BACH2: variants seen among roughly 807,000 people sequenced by gnomAD.
BACH2 encodes the protein BACH transcriptional regulator 2.
BACH2 carries 5 observed loss-of-function variants against 61.8 expected under a neutral mutation model. The observed-to-expected ratio is 0.08, with a 90% CI of 0.04 to 0.17. The LOEUF is 0.17. Among genes scored for constraint, BACH2 ranks in the 10% least tolerant of loss-of-function variants. The pLI, the probability that BACH2 is intolerant of heterozygous loss-of-function variation, is 1.00. For missense variants in BACH2, 824 were observed against 1,091.1 expected, an observed-to-expected ratio of 0.76 and a Z score of 3.45; for synonymous variants, 446 against 440.1, an observed-to-expected ratio of 1.01 and a Z score of -0.17.
At chr6:90,022,441 G>A (rs1778427049) in intron 5 of BACH2, among the ~76,000 whole-genome samples, 1 of 152,106 alleles carries the variant, frequency 6.6e-6, no homozygotes, top group South Asian at 2.1e-4. Flanking sequence ...AAAATTAGCT[G>A]GGTATATTAG....
intron 5 of BACH2, among the ~76,000 whole-genome samples, chr6:90,055,661 C>T (rs915481519): frequency 7.1e-6 from 1 of 141,536 alleles, no homozygotes. Flanking sequence ...AACTCCAAGA[C>T]ACGTAATTGT....
In BACH2 at chr6:89,931,808, A is replaced by C. The variant is rs1318129298; in HGVS notation, c.*600T>G. 6.6e-6 allele frequency: 1 copy of C among 152,560 alleles called. No homozygotes were observed. The highest frequency in any genetic ancestry group is 2.4e-5 in the African/African-American group (1 of 41,406). 9.5% of individuals were successfully genotyped at this position (152,560 alleles called of 1,614,324 possible). ...TGAAGCAAGAAAAATGACCATGTTA[A>C]CAGTTACCAAACTAGTTCTAGCATC... On this transcript the variant is annotated 3_prime_UTR_variant, in exon 9 of 9. Transcript: ENST00000257749.
intron 7 of BACH2, among the ~76,000 whole-genome samples, chr6:89,944,554 A>G (rs1243200422): frequency 6.6e-6 from 1 of 152,226 alleles, no homozygotes; most frequent in Non-Finnish European, 1.5e-5. Flanking sequence ...CACAAAAATG[A>G]TTGTGAAAAT....
At position 89,932,679 on chromosome 6, in the gene BACH2, T is replaced by C; in HGVS notation, c.2255A>G (p.Glu752Gly). Residue 752 changes from glutamate (E) to glycine (G), a missense_variant, in exon 9 of 9, where the codon GAG becomes GGG. Coordinates refer to ENST00000257749, the MANE Select transcript of BACH2 (RefSeq NM_021813.4). ...GCATTGGGAGGCCGCAATGTTCTGC[T>C]CAGCACCCAAGGGCGCAGGGTTAAT... ...SSINPAPLGA[E>G]QNIAASQCAV... 6.2e-7 allele frequency: 1 copy of C among 1,614,096 alleles called. No individual in the cohort carries two copies. The highest frequency in any genetic ancestry group is 1.7e-5 in the Admixed American group (1 of 60,018).
chr6:90,142,747 T>A (rs964205541), intron 4 of BACH2, among the ~76,000 whole-genome samples: 1 of 152,192 alleles, frequency 6.6e-6, no homozygotes, highest in Non-Finnish European at 1.5e-5. Context: ...TACTGCTGGG[T>A]AGGAAGATCA....
intron 2 of BACH2, among the ~76,000 whole-genome samples, chr6:90,269,945 T>G (rs769020791): frequency 1.3e-5 from 2 of 152,226 alleles, no homozygotes; most frequent in Non-Finnish European, 2.9e-5. Context: ...ACTCTGAGTC[T>G]CCAGAGTCCA....
At chr6:90,148,150 T>C (rs1784686544) in intron 4 of BACH2, among the ~76,000 whole-genome samples, 1 of 152,178 alleles carries the variant, frequency 6.6e-6, no homozygotes, top group African/African-American at 2.4e-5. Flanking sequence ...TAGTGAAGCA[T>C]CGTGCACTAG....
At chr6:90,118,848 AC>A (rs1446897620) in intron 4 of BACH2, among the ~76,000 whole-genome samples, 1 of 152,140 alleles carries the variant, frequency 6.6e-6, no homozygotes, top group Non-Finnish European at 1.5e-5. Context: ...GTCTAACCAG[AC>A]CTGGGTTTGG....
At chr6:90,012,002 C>T (rs1356210376) in intron 5 of BACH2, among the ~76,000 whole-genome samples, 3 of 148,604 alleles carry the variant, frequency 2.0e-5, no homozygotes, top group Non-Finnish European at 3.0e-5. Context: ...CGCCATATTG[C>T]CCAGGCTAGT....
intron 5 of BACH2, among the ~76,000 whole-genome samples, chr6:90,064,181 G>C (rs1198003649): frequency 6.6e-6 from 1 of 152,162 alleles, no homozygotes; most frequent in Non-Finnish European, 1.5e-5. Flanking sequence ...AACAGAATGT[G>C]ATATGTGCCA....
intron 4 of BACH2, among the ~76,000 whole-genome samples, chr6:90,092,315 T>TATACAC (rs142761642): frequency 4.4e-5 from 5 of 112,456 alleles, no homozygotes; most frequent in African/African-American, 1.8e-4. Flanking sequence ...TATATATATA[T>TATACAC]ACACACACAC....
At chr6:90,175,081 T>C (rs544873154) in intron 4 of BACH2, among the ~76,000 whole-genome samples, 88 of 152,228 alleles carry the variant, frequency 5.8e-4, no homozygotes, top group African/African-American at 2.1e-3. Context: ...TTTAATCCTT[T>C]AAAGTGTATC....
intron 4 of BACH2, among the ~76,000 whole-genome samples, chr6:90,100,738 C>CACACAG (rs1782591691): frequency 6.6e-6 from 1 of 151,562 alleles, no homozygotes; most frequent in Non-Finnish European, 1.5e-5. Flanking sequence ...GACACACACA[C>CACACAG]ACACACACAC....
chr6:89,938,400 T>C, intron 7 of BACH2, 50 bp from the exon 8 acceptor site: 1 of 1,516,098 alleles, frequency 6.6e-7, no homozygotes, highest in Non-Finnish European at 9.1e-7. Context: ...ATTTTAATTC[T>C]GGCAGGCGGA....
intron 5 of BACH2, among the ~76,000 whole-genome samples, chr6:90,084,403 A>G (rs1236225473): frequency 6.6e-6 from 1 of 151,986 alleles, no homozygotes; most frequent in African/African-American, 2.4e-5. Context: ...GGGGGAATTT[A>G]TTTTGATTAG....
intron 6 of BACH2, among the ~76,000 whole-genome samples, chr6:89,989,616 T>C (rs1190635850): frequency 2.0e-5 from 3 of 152,034 alleles, no homozygotes; most frequent in African/African-American, 2.4e-5. Context: ...TCCTGGCAGG[T>C]GGGCTCAAGG....
rs151085282 is a variant in BACH2, at chr6:89,938,243, A to G, written c.1944T>C (p.His648=). ...GGTTCTTGCTGCGCCGTCGGACATCATGAATAAACTCTAACTGTTCTGAGG... is the reference window on the plus strand; with the variant it reads ...GGTTCTTGCTGCGCCGTCGGACATCGTGAATAAACTCTAACTGTTCTGAGG... ...KLTSEQLEFI[H]DVRRRSKNRI... Residue 648 remains histidine, a synonymous_variant, in exon 8 of 9, where the codon CAT becomes CAC. Transcript: ENST00000257749. 273 of 1,614,130 alleles carry G rather than the reference A, an allele frequency of 1.7e-4. No individual in the cohort carries two copies. The highest frequency in any genetic ancestry group is 2.2e-4 in the Non-Finnish European group (254 of 1,180,042).
intron 5 of BACH2, among the ~76,000 whole-genome samples, chr6:90,079,632 AC>A (rs1781635643): frequency 1.3e-5 from 2 of 152,202 alleles, no homozygotes; most frequent in Admixed American, 6.5e-5. Flanking sequence ...TATACCACTT[AC>A]CAGACAGATG....
chr6:90,197,987 G>T (rs1768816896), intron 4 of BACH2, among the ~76,000 whole-genome samples: 1 of 152,176 alleles, frequency 6.6e-6, no homozygotes, highest in Non-Finnish European at 1.5e-5. Context: ...AAGGAAAATG[G>T]ATGAGCTGTG....
Sources: gnomAD v4.1 joint callset for allele counts (sites outside exome capture counted in the v4.1 genomes callset) on GRCh38, gnomAD v4.1.1 for gene constraint, MANE v1.5 for transcripts, NCBI Gene and HGNC (gene_info 2026-07-23, HGNC 2026-07-21) for gene names.